The following LCOR variants were observed in gnomAD, a reference collection of about 807,000 sequenced individuals.
LCOR encodes ligand dependent nuclear receptor corepressor.
Under a neutral mutation model 64.4 loss-of-function variants are expected in LCOR, and 14 were observed. That is an observed-to-expected ratio of 0.22 (90% CI 0.14 to 0.34). The LOEUF is 0.34. Ranked by LOEUF, LCOR falls within the 10% of genes least tolerant of loss-of-function variation. The probability of loss-of-function intolerance (pLI) is 1.00; values close to 1 mark genes in which losing one functional copy is unlikely to be tolerated. For missense variants in LCOR, 1,686 were observed against 1,765.3 expected, an observed-to-expected ratio of 0.96 and a Z score of 0.80; for synonymous variants, 643 against 642.5, an observed-to-expected ratio of 1.00 and a Z score of -0.01.
chr10:96,844,857 T>G (rs1845600319), intron 2 of LCOR, among the ~76,000 whole-genome samples: 1 of 152,196 alleles, frequency 6.6e-6, no homozygotes, highest in Non-Finnish European at 1.5e-5. Flanking sequence ...GTGTAGCTGC[T>G]TGGCCTTTTC....
intron 2 of LCOR, among the ~76,000 whole-genome samples, chr10:96,857,738 A>G (rs1845829046): frequency 1.3e-5 from 2 of 152,156 alleles, no homozygotes; most frequent in South Asian, 4.1e-4. Context: ...GGGTAGGGGA[A>G]TCTGTATTTT....
intron 4 of LCOR, among the ~76,000 whole-genome samples, chr10:96,934,104 T>G (rs969096083): frequency 4.6e-5 from 7 of 152,216 alleles, no homozygotes; most frequent in Admixed American, 1.3e-4. Flanking sequence ...TCTTATTTAA[T>G]GTAGGAAAAT....
At chr10:96,905,307 C>T (rs1002975286) in intron 2 of LCOR, among the ~76,000 whole-genome samples, 13 of 152,096 alleles carry the variant, frequency 8.5e-5, no homozygotes, top group African/African-American at 3.1e-4. Flanking sequence ...TTTATATAAA[C>T]CCAGGTGAAA....
intron 7 of LCOR, chr10:96,957,779 C>T: frequency 2.0e-6 from 2 of 985,514 alleles, no homozygotes; most frequent in Non-Finnish European, 2.4e-6. Flanking sequence ...AAAATACATG[C>T]ACTGCTCATT....
At chr10:96,864,599 C>T (rs1340151778) in intron 2 of LCOR, among the ~76,000 whole-genome samples, 2 of 152,170 alleles carry the variant, frequency 1.3e-5, no homozygotes, top group East Asian at 1.9e-4. Flanking sequence ...TGAAAAGAGA[C>T]GTTGTTCTCT....
intron 2 of LCOR, among the ~76,000 whole-genome samples, chr10:96,889,067 A>G (rs373328892): frequency 1.3e-5 from 2 of 152,198 alleles, no homozygotes; most frequent in African/African-American, 4.8e-5. Context: ...AGTATATTCA[A>G]AGTGTTGTAC....
rs1229711688 is a variant in LCOR, at chr10:96,949,767, A to G, written c.238+472A>G. 3.9e-5 allele frequency among the ~76,000 whole-genome samples: 6 copies of G among 152,228 alleles called. No homozygotes were observed. In the East Asian group the frequency reaches 7.7e-4, roughly 20 times the overall value. ...TTCGAATTTTGAGAAAGAAACTGCT[A>G]GGGTTACAAATAGAGAAAGCAGCAG... On this transcript the variant is annotated intron_variant, in intron 6 of 7. Transcript: ENST00000421806.
chr10:96,861,171 A>G (rs1016850199), intron 2 of LCOR, among the ~76,000 whole-genome samples: 2 of 152,292 alleles, frequency 1.3e-5, no homozygotes, highest in African/African-American at 2.4e-5. Flanking sequence ...TGGTGTGACA[A>G]ATTCATTTTT....
rs1845535032 is a variant in LCOR, at chr10:96,841,247, A to T, written c.-330+7768A>T. ...ATTTTTTAAATGTGCAGTAATCTAGATGAATAATTAACTCTTTAAAATAAC... is the reference window on the plus strand; with the variant it reads ...ATTTTTTAAATGTGCAGTAATCTAGTTGAATAATTAACTCTTTAAAATAAC... On this transcript the variant is annotated intron_variant, in intron 2 of 7. Coordinates refer to ENST00000421806, the MANE Select transcript of LCOR (RefSeq NM_001346516.2). Among the ~76,000 whole-genome samples the T allele has an allele frequency of 3.3e-5, 5 of 152,386 alleles. 1 individual carries two copies. Among genetic ancestry groups the T allele is most frequent in the African/African-American group, 1.2e-4 (5 of 41,594 alleles).
intron 7 of LCOR, among the ~76,000 whole-genome samples, chr10:96,952,923 A>G (rs532473442): frequency 2.3e-4 from 35 of 152,308 alleles, no homozygotes; most frequent in East Asian, 1.9e-4. Context: ...GATATGAAAA[A>G]TAACTGGTAA....
intron 4 of LCOR, among the ~76,000 whole-genome samples, chr10:96,921,122 C>T (rs893435590): frequency 2.0e-5 from 3 of 152,010 alleles, no homozygotes; most frequent in African/African-American, 4.8e-5. Flanking sequence ...TGAGCCACCA[C>T]CCCCAGCCTA....
At chr10:96,857,686 C>T (rs544490104) in intron 2 of LCOR, among the ~76,000 whole-genome samples, 11 of 152,230 alleles carry the variant, frequency 7.2e-5, no homozygotes, top group African/African-American at 2.6e-4. Flanking sequence ...TTCAAAGTAT[C>T]GATCGCTTGA....
chr10:96,880,814 A>T (rs1173470380), intron 2 of LCOR, among the ~76,000 whole-genome samples: 2 of 152,218 alleles, frequency 1.3e-5, no homozygotes, highest in Non-Finnish European at 2.9e-5. Context: ...AAAAATACAC[A>T]ATCATATTTT....
chr10:96,920,738 G>GTGTATATATA (rs1847060028), intron 4 of LCOR, among the ~76,000 whole-genome samples: 1 of 126,878 alleles, frequency 7.9e-6, no homozygotes, highest in South Asian at 2.5e-4. Context: ...TCATATATAT[G>GTGTATATATA]TGTATATATG....
In LCOR at chr10:96,983,294, G is replaced by A. The variant is rs369518379; in HGVS notation, c.2834G>A (p.Arg945Lys). 3.1e-6 allele frequency: 5 copies of A among 1,614,092 alleles called. No individual in the cohort carries two copies. The highest frequency in any genetic ancestry group is 4.2e-6 in the Non-Finnish European group (5 of 1,180,044). The change falls in exon 8 of 8, where the codon AGA becomes AAA. Residue 945 changes from arginine (R) to lysine (K), a missense_variant. Arg to Lys is a conservative substitution (Grantham distance 26). Coordinates refer to ENST00000421806, the MANE Select transcript of LCOR (RefSeq NM_001346516.2). The surrounding 1 kb of genome is among the most constrained non-coding windows in gnomAD (Gnocchi z 4.5). ...TTAGQPLPGE[R>K]LEIYVQSKMD... is the part of the protein sequence containing the mutation. ...GCTGGACAGCCACTGCCTGGAGAGA[G>A]ATTGGAAATCTATGTTCAGTCTAAA...
At position 96,994,596 on chromosome 10, in the gene LCOR, T is replaced by C. The variant is rs1848227879; in HGVS notation, c.*9462T>C. 1 of 152,018 alleles carries C rather than the reference T, an allele frequency of 6.6e-6. No individual in the cohort carries two copies. Among genetic ancestry groups the C allele is most frequent in the Non-Finnish European group, 1.5e-5 (1 of 68,012 alleles). The allele number at this position is 152,018 out of a possible 1,614,324, so 9.4% of individuals were successfully genotyped here. A position where few individuals can be genotyped will look rare whatever the true frequency, so the allele number is the denominator to read the frequency against. On this transcript the variant is annotated 3_prime_UTR_variant, in exon 8 of 8. Coordinates refer to ENST00000421806, the MANE Select transcript of LCOR (RefSeq NM_001346516.2). Reference sequence around the variant, plus strand: ...GGTGCATTAGGATAAAACTTTCCCTTGCTGAGCCTGAAGGCAAGCAAGAGG... The same window carrying C: ...GGTGCATTAGGATAAAACTTTCCCTCGCTGAGCCTGAAGGCAAGCAAGAGG...
intron 4 of LCOR, among the ~76,000 whole-genome samples, chr10:96,933,551 C>T (rs942294161): frequency 2.0e-5 from 3 of 152,150 alleles, no homozygotes; most frequent in Non-Finnish European, 4.4e-5. Context: ...GATGGAGTCT[C>T]GCTCTGTTGC....
intron 2 of LCOR, among the ~76,000 whole-genome samples, chr10:96,861,893 C>T (rs553392645): frequency 3.9e-5 from 6 of 152,286 alleles, no homozygotes; most frequent in African/African-American, 1.4e-4. Flanking sequence ...TCAGATCCCA[C>T]ATGTAAGGTC....
At chr10:96,881,861 T>C (rs1846268687) in intron 2 of LCOR, among the ~76,000 whole-genome samples, 1 of 152,236 alleles carries the variant, frequency 6.6e-6, no homozygotes, top group Non-Finnish European at 1.5e-5. Context: ...ATGTGATCTG[T>C]CTTCCATTGT....
Sources: allele counts gnomAD v4.1 joint callset (sites outside exome capture counted in the v4.1 genomes callset), GRCh38; gene constraint gnomAD v4.1.1; non-coding constraint Gnocchi (gnomAD v3.1); transcripts MANE v1.5; gene names NCBI Gene and HGNC (gene_info 2026-07-23, HGNC 2026-07-21).